DPP6: variants seen among roughly 807,000 people sequenced by gnomAD.
DPP6 encodes the protein A-type potassium channel modulatory protein DPP6.
DPP6 carries 69 observed loss-of-function variants against 122.6 expected under a neutral mutation model. The observed-to-expected ratio is 0.56, with a 90% CI of 0.46 to 0.69. DPP6 has a LOEUF of 0.69. Among genes scored for constraint, DPP6 ranks in the 30% least tolerant of loss-of-function variants. DPP6 has a pLI of 0.00. For synonymous variants in DPP6, 418 were observed against 433.1 expected, an observed-to-expected ratio of 0.97 and a Z score of 0.43; for missense variants, 928 against 1,116.9, an observed-to-expected ratio of 0.83 and a Z score of 2.41.
the DPP6 span, among the ~76,000 whole-genome samples, chr7:153,856,057 G>A: frequency 6.6e-6 from 1 of 152,106 alleles, no homozygotes; most frequent in Non-Finnish European, 1.5e-5. Flanking sequence ...CATCATATAA[G>A]CACAGCTTTG....
At chr7:154,881,032 T>C in intron 21 of DPP6, 90 bp downstream of exon 21, 1 of 1,467,628 alleles carries the variant, frequency 6.8e-7, no homozygotes, top group Non-Finnish European at 9.1e-7. Context: ...ATTGAGAACG[T>C]CTGTGGTCTG....
intron 1 of DPP6, among the ~76,000 whole-genome samples, chr7:153,908,824 G>A (rs559426325): frequency 6.6e-6 from 1 of 152,186 alleles, no homozygotes; most frequent in African/African-American, 2.4e-5. Context: ...TGCAATCTTG[G>A]CTCACTGCAA....
intron 1 of DPP6, among the ~76,000 whole-genome samples, chr7:153,906,095 T>G (rs1354679295): frequency 6.6e-6 from 1 of 152,232 alleles, no homozygotes; most frequent in Non-Finnish European, 1.5e-5. Flanking sequence ...TGAAGAAATC[T>G]GTTTCAAGAT....
At chr7:154,789,568 G>A (rs1348939660) in intron 10 of DPP6, among the ~76,000 whole-genome samples, 1 of 152,138 alleles carries the variant, frequency 6.6e-6, no homozygotes, top group Non-Finnish European at 1.5e-5. Flanking sequence ...CATCATTTCT[G>A]TGTGTCTCTT....
At chr7:153,961,299 C>T (rs1322801205) in intron 1 of DPP6, among the ~76,000 whole-genome samples, 1 of 150,634 alleles carries the variant, frequency 6.6e-6, no homozygotes, top group East Asian at 2.0e-4. Context: ...GCCTAAGCTC[C>T]TATGAGAAGT....
At chr7:154,870,821 G>A (rs1804316931) in intron 18 of DPP6, among the ~76,000 whole-genome samples, 1 of 151,956 alleles carries the variant, frequency 6.6e-6, no homozygotes, top group Non-Finnish European at 1.5e-5. Context: ...AAGTTAGCTG[G>A]GTGTGGTGGT....
intron 1 of DPP6, among the ~76,000 whole-genome samples, chr7:154,279,902 G>T (rs775982552): frequency 6.6e-6 from 1 of 152,100 alleles, no homozygotes; most frequent in East Asian, 1.9e-4. Context: ...AGTAGATTGG[G>T]TTTTTTTACC....
chr7:154,549,830 CCA>C (rs1396261456), intron 4 of DPP6, among the ~76,000 whole-genome samples: 1 of 152,084 alleles, frequency 6.6e-6, no homozygotes. Context: ...GAATCAACCT[CCA>C]GTCTCTGGAC....
At chr7:154,885,365 C>T (rs1225092355) in intron 21 of DPP6, 6 of 431,676 alleles carry the variant, frequency 1.4e-5, no homozygotes, top group Non-Finnish European at 2.1e-5. Flanking sequence ...ACTTGCCTTT[C>T]CAATTCGCCG....
chr7:154,749,201 G>A (rs1399661702), intron 8 of DPP6, among the ~76,000 whole-genome samples: 5 of 141,264 alleles, frequency 3.5e-5, no homozygotes, highest in Non-Finnish European at 6.3e-5. Flanking sequence ...CGGCTTTACT[G>A]AGAGAGGGTG....
chr7:154,684,052 A>G (rs549613310), intron 7 of DPP6, among the ~76,000 whole-genome samples: 1 of 152,112 alleles, frequency 6.6e-6, no homozygotes, highest in South Asian at 2.1e-4. Flanking sequence ...TATTTTTTGT[A>G]GAGATGGGGG....
chr7:153,889,491 C>T lies in DPP6; in HGVS notation c.51+1757C>T, dbSNP rs569455669. Among the ~76,000 whole-genome samples the T allele has an allele frequency of 3.9e-5, 6 of 152,302 alleles. No homozygotes were observed. The South Asian group carries it at 1.2e-3, about 32-fold the overall frequency. On this transcript the variant is annotated intron_variant, in intron 1 of 25. Coordinates refer to the DPP6 transcript ENST00000404039. ...TACTGATAAGGCAACATTATTGACT[C>T]ATTACATCAATCTACCGCCAAATAA...
chr7:153,873,416 TTTGA>T, the DPP6 span, among the ~76,000 whole-genome samples: 1 of 152,156 alleles, frequency 6.6e-6, no homozygotes. Flanking sequence ...TAAAACTACG[TTTGA>T]GGCCTACCTA....
intron 1 of DPP6, among the ~76,000 whole-genome samples, chr7:153,990,169 C>G (rs1254871895): frequency 1.9e-5 from 1 of 52,628 alleles, no homozygotes; most frequent in South Asian, 8.1e-4. Flanking sequence ...TTGCCCCTTG[C>G]CAGCTGGAGG....
Position 154,096,017 on chromosome 7 carries a change from A to T in DPP6, c.243+42954A>T, listed in dbSNP as rs1050294273. The T allele has an allele frequency of 2.7e-4, 31 of 112,956 alleles. 1 individual carries two copies. The highest frequency in any genetic ancestry group is 1.0e-3 in the African/African-American group (30 of 29,114). The allele number at this position is 112,956 out of a possible 1,614,324, so 7.0% of individuals were successfully genotyped here. On this transcript the variant is annotated intron_variant, in intron 1 of 25. Coordinates refer to ENST00000377770, the MANE Select transcript of DPP6 (RefSeq NM_130797.4). ...ACTGGATTTCTGCTTCTCTCCCAGG[A>T]GCTGCGGGCTGGGAAGGGGAAGGAA...
At chr7:154,752,221 A>G (rs1843431273) in intron 8 of DPP6, among the ~76,000 whole-genome samples, 1 of 152,208 alleles carries the variant, frequency 6.6e-6, no homozygotes, top group Non-Finnish European at 1.5e-5. Flanking sequence ...TTAACATTTC[A>G]GTGTGTAAGT....
chr7:153,768,878 A>C, the DPP6 span, among the ~76,000 whole-genome samples: 1 of 152,214 alleles, frequency 6.6e-6, no homozygotes, highest in Middle Eastern at 3.2e-3. Flanking sequence ...CCTGGGCTTA[A>C]CACCCAAATT....
At chr7:154,478,537 C>T (rs1029387388) in intron 3 of DPP6, among the ~76,000 whole-genome samples, 3 of 151,558 alleles carry the variant, frequency 2.0e-5, no homozygotes, top group African/African-American at 7.3e-5. Context: ...AAGCTCTAGG[C>T]TAAATGATCT....
intron 1 of DPP6, among the ~76,000 whole-genome samples, chr7:154,130,588 A>G (rs1795221628): frequency 6.6e-6 from 1 of 152,208 alleles, no homozygotes; most frequent in Non-Finnish European, 1.5e-5. Context: ...CATGTTTCTC[A>G]TGGCACTGAT....
Sources: gnomAD v4.1 joint callset for allele counts (sites outside exome capture counted in the v4.1 genomes callset) on GRCh38, gnomAD v4.1.1 for gene constraint, MANE v1.5 for transcripts, NCBI Gene and HGNC (gene_info 2026-07-23, HGNC 2026-07-21) for gene names.